Variants in PLCH1 observed in about 807,000 individuals in gnomAD.
PLCH1 encodes the protein phospholipase C eta 1.
A neutral mutation model predicts 126.7 loss-of-function variants in PLCH1; 60 were observed. The observed-to-expected ratio is 0.47, with a 90% CI of 0.38 to 0.59. The LOEUF (loss-of-function observed/expected upper bound fraction) is 0.59, where lower values mean the gene tolerates loss of function less well. PLCH1 is among the 20% of genes least tolerant of loss of function. The pLI is 0.00. For missense variants in PLCH1, 1,723 were observed against 2,040.0 expected, an observed-to-expected ratio of 0.84 and a Z score of 2.99; for synonymous variants, 719 against 734.9, an observed-to-expected ratio of 0.98 and a Z score of 0.35.
chr3:155,602,604 C>G (rs1181887305), intron 2 of PLCH1, among the ~76,000 whole-genome samples: 1 of 152,200 alleles, frequency 6.6e-6, no homozygotes, highest in Non-Finnish European at 1.5e-5. Flanking sequence ...GTATAACCTA[C>G]TGCTCCTAGG....
At chr3:155,498,864 T>G (rs1717469628) in intron 14 of PLCH1, among the ~76,000 whole-genome samples, 1 of 152,200 alleles carries the variant, frequency 6.6e-6, no homozygotes, top group Non-Finnish European at 1.5e-5. Context: ...CACTCTCTTC[T>G]GCAGTCAAGT....
intron 6 of PLCH1, among the ~76,000 whole-genome samples, chr3:155,577,751 TA>T (rs1214385990): frequency 6.6e-6 from 1 of 152,182 alleles, no homozygotes; most frequent in Non-Finnish European, 1.5e-5. Context: ...TCAACAAAAC[TA>T]AAATGAGAGA....
intron 2 of PLCH1, among the ~76,000 whole-genome samples, chr3:155,697,567 A>G (rs1338309338): frequency 6.6e-6 from 1 of 152,176 alleles, no homozygotes; most frequent in African/African-American, 2.4e-5. Flanking sequence ...GTGAGAAGAG[A>G]CTGTCATCAG....
At chr3:155,511,844 G>T (rs1434000456) in intron 12 of PLCH1, among the ~76,000 whole-genome samples, 7 of 151,886 alleles carry the variant, frequency 4.6e-5, no homozygotes, top group Non-Finnish European at 7.4e-5. Context: ...AGCCTACAGA[G>T]GCAGGCAGGC....
At position 155,483,049 on chromosome 3, in the gene PLCH1, C is replaced by T; in HGVS notation, c.2977G>A (p.Glu993Lys). The change falls in exon 23 of 23, where the codon GAA becomes AAA. Residue 993 changes from glutamate to lysine, a missense_variant and splice_region_variant. By Grantham distance (56) the Glu-to-Lys change is moderately conservative. Around this residue, in one of 2 missense-constraint regions of PLCH1, gnomAD observed 947 missense variants for 977.1 expected, o/e 0.97. Transcript: ENST00000460012. ...CCTTTTCTTCTGCCATCTTTATCTTCTGCTGAAGGAGACAAACAATATTTT... is the reference window on the plus strand; with the variant it reads ...CCTTTTCTTCTGCCATCTTTATCTTTTGCTGAAGGAGACAAACAATATTTT... ...DIEGKENSLAEDKDGRRKGKA... is the reference protein window; with the variant it reads ...DIEGKENSLAKDKDGRRKGKA... 1 of 1,611,488 alleles carries T rather than the reference C, an allele frequency of 6.2e-7. No individual in the cohort carries two copies. The highest frequency in any genetic ancestry group is 1.1e-5 in the South Asian group (1 of 90,896).
In PLCH1 at chr3:155,492,843, G is replaced by A; in HGVS notation, c.2193C>T (p.Asn731=). The A allele has an allele frequency of 1.9e-6, 3 of 1,599,796 alleles. No homozygotes were observed. The highest frequency in any genetic ancestry group is 2.6e-6 in the Non-Finnish European group (3 of 1,174,158). ...KPQQMCKGTF[N]PFSGDPLPAN... ...CAGGAAGAGGGTCACCAGAGAAAGG[G>A]TTGAAAGTACCTAGGCCAAGTAAAG... Residue 731 remains asparagine, a synonymous_variant, in exon 18 of 23, where the codon AAC becomes AAT. Transcript: ENST00000460012.
At chr3:155,672,388 TAAA>T (rs1743591711) in intron 2 of PLCH1, among the ~76,000 whole-genome samples, 1 of 152,158 alleles carries the variant, frequency 6.6e-6, no homozygotes, top group Non-Finnish European at 1.5e-5. Context: ...TAGAACAGAC[TAAA>T]GCACACAACA....
downstream of PLCH1, among the ~76,000 whole-genome samples, chr3:155,478,393 G>A (rs938184471): frequency 6.6e-6 from 1 of 152,102 alleles, no homozygotes; most frequent in Middle Eastern, 3.2e-3. Flanking sequence ...AATAAAGAGT[G>A]TAATTGGATT....
At chr3:155,461,615 T>A (rs958610924) in intron 21 of PLCH1, among the ~76,000 whole-genome samples, 4 of 152,324 alleles carry the variant, frequency 2.6e-5, no homozygotes, top group Admixed American at 2.6e-4. Flanking sequence ...TATGGCCTCA[T>A]GGGAAATCCT....
At chr3:155,721,580 A>C (rs1432708242) in intron 1 of PLCH1, among the ~76,000 whole-genome samples, 4 of 152,124 alleles carry the variant, frequency 2.6e-5, no homozygotes, top group African/African-American at 9.7e-5. Context: ...AACTTGGCTG[A>C]ATTTATCAGT....
chr3:155,647,078 A>C (rs922649718), intron 2 of PLCH1, among the ~76,000 whole-genome samples: 3 of 152,118 alleles, frequency 2.0e-5, no homozygotes, highest in African/African-American at 4.8e-5. Flanking sequence ...GCACAAAATT[A>C]ACCACCACCT....
chr3:155,473,606 C>G (rs937285623), intron 21 of PLCH1, among the ~76,000 whole-genome samples: 2 of 151,728 alleles, frequency 1.3e-5, no homozygotes, highest in African/African-American at 4.9e-5. Context: ...AAAAAAGAGC[C>G]CGCATCGCCA....
chr3:155,705,101 G>A (rs780384064), intron 1 of PLCH1, among the ~76,000 whole-genome samples: 2 of 152,106 alleles, frequency 1.3e-5, no homozygotes, highest in African/African-American at 2.4e-5. Flanking sequence ...GCAAAACCAA[G>A]CAAGGCTGGC....
At chr3:155,452,434 C>T (rs774325561) in intron 21 of PLCH1, among the ~76,000 whole-genome samples, 4 of 151,982 alleles carry the variant, frequency 2.6e-5, no homozygotes, top group African/African-American at 9.7e-5. Flanking sequence ...TTTGGAGAAC[C>T]CTGGTTAACA....
intron 2 of PLCH1, among the ~76,000 whole-genome samples, chr3:155,691,976 A>G (rs1745418778): frequency 6.6e-6 from 1 of 152,006 alleles, no homozygotes. Flanking sequence ...GGTTGCAGTG[A>G]GCCAAGATTG....
At chr3:155,701,628 G>T (rs918274778) in intron 2 of PLCH1, among the ~76,000 whole-genome samples, 2 of 152,214 alleles carry the variant, frequency 1.3e-5, no homozygotes, top group Admixed American at 1.3e-4. Flanking sequence ...ATAAGCAAAA[G>T]TGTGGTCAGT....
chr3:155,720,943 T>C (rs1747901171), intron 1 of PLCH1, among the ~76,000 whole-genome samples: 2 of 152,238 alleles, frequency 1.3e-5, no homozygotes, highest in Admixed American at 6.5e-5. Context: ...TACATGTGGT[T>C]TGACATTTAT....
intron 15 of PLCH1, among the ~76,000 whole-genome samples, chr3:155,495,771 G>C (rs1716948392): frequency 6.6e-6 from 1 of 152,174 alleles, no homozygotes; most frequent in South Asian, 2.1e-4. Flanking sequence ...CTGTGGCAAA[G>C]AAATGAGAGG....
Position 155,462,511 on chromosome 3 carries a change from A to C in PLCH1, c.2938+22845T>G, listed in dbSNP as rs143162143. On this transcript the variant is annotated intron_variant, in intron 21 of 21. Coordinates refer to the PLCH1 transcript ENST00000494598. Reference sequence around the variant, plus strand: ...GTTGTTTAGGGGATTGAAACTGACCACGATCTGGAAGGACTGGCCTTGCCC... The same window carrying C: ...GTTGTTTAGGGGATTGAAACTGACCCCGATCTGGAAGGACTGGCCTTGCCC... 6.5e-4 allele frequency among the ~76,000 whole-genome samples: 99 copies of C among 152,282 alleles called. 1 individual carries two copies. The East Asian group carries it at 0.017, about 27-fold the overall frequency.
Sources: allele counts gnomAD v4.1 joint callset (sites outside exome capture counted in the v4.1 genomes callset), GRCh38; gene constraint gnomAD v4.1.1; regional missense constraint gnomAD v4.1.1; transcripts MANE v1.5; gene names NCBI Gene and HGNC (gene_info 2026-07-23, HGNC 2026-07-21).